AK9: variants seen among roughly 807,000 people sequenced by gnomAD.
The protein encoded by AK9 is adenylate kinase 9.
In AK9, 191 loss-of-function variants were observed where a neutral mutation model predicts 239.6. That is an observed-to-expected ratio of 0.80 (90% CI 0.71 to 0.90). The LOEUF (loss-of-function observed/expected upper bound fraction) is 0.90. AK9 is among the 40% of genes least tolerant of loss of function. AK9 has a pLI of 0.00. For missense variants in AK9, 1,995 were observed against 2,214.7 expected (o/e 0.90, Z 1.99); for synonymous variants, 689 against 721.0 (o/e 0.96, Z 0.71).
At chr6:109,612,576 A>G (rs1455484379) in intron 15 of AK9, among the ~76,000 whole-genome samples, 1 of 152,138 alleles carries the variant, frequency 6.6e-6, no homozygotes, top group Non-Finnish European at 1.5e-5. Flanking sequence ...TGGGAACTCC[A>G]CAGCAGCAAA....
chr6:109,610,277 AC>A (rs1470173411), intron 17 of AK9, 87 bp downstream of exon 17: 1 of 1,428,238 alleles, frequency 7.0e-7, no homozygotes, highest in Admixed American at 2.3e-5. Flanking sequence ...ACATCATAAG[AC>A]TCTAAAATAA....
At chr6:109,515,042 A>AG (rs1779133611) in intron 31 of AK9, among the ~76,000 whole-genome samples, 1 of 152,232 alleles carries the variant, frequency 6.6e-6, no homozygotes, top group Non-Finnish European at 1.5e-5. Flanking sequence ...CTGCAAGTTA[A>AG]GGAGAGAGGT....
chr6:109,623,718 C>T (rs1795137592), intron 12 of AK9, among the ~76,000 whole-genome samples: 1 of 152,088 alleles, frequency 6.6e-6, no homozygotes, highest in Non-Finnish European at 1.5e-5. Flanking sequence ...AATATATACT[C>T]AGTATTTTCC....
In AK9 at chr6:109,506,943, C is replaced by T. The variant is rs1031627074; in HGVS notation, c.4482-143G>A. Reference sequence around the variant, plus strand: ...CTCAATTTATTTTCTTCACACTTTGCCCTCTTCATCTCTACATCTTTAATC... The same window carrying T: ...CTCAATTTATTTTCTTCACACTTTGTCCTCTTCATCTCTACATCTTTAATC... On this transcript the variant is annotated intron_variant, in intron 33 of 40. Coordinates refer to ENST00000424296, the MANE Select transcript of AK9 (RefSeq NM_001145128.3). 3.1e-6 allele frequency: 4 copies of T among 1,286,136 alleles called. No homozygotes were observed. In the African/African-American group the frequency reaches 6.0e-5, roughly 19 times the overall value. 79.7% of individuals were successfully genotyped at this position (1,286,136 alleles called of 1,614,324 possible).
chr6:109,528,942 G>T, intron 29 of AK9, 69 bp downstream of exon 29: 1 of 1,574,950 alleles, frequency 6.3e-7, no homozygotes. Context: ...AGCTATGATT[G>T]TGCCACTGTA....
chr6:109,598,727 C>T (rs1583188189), intron 17 of AK9, among the ~76,000 whole-genome samples: 1 of 152,192 alleles, frequency 6.6e-6, no homozygotes, highest in East Asian at 1.9e-4. Context: ...ACATCCTCTC[C>T]AGCACCTGTT....
At chr6:109,568,148 C>A (rs1786860815) in intron 21 of AK9, among the ~76,000 whole-genome samples, 1 of 152,116 alleles carries the variant, frequency 6.6e-6, no homozygotes, top group Admixed American at 6.5e-5. Context: ...AAACGTAATC[C>A]AGCATATAAA....
intron 27 of AK9, among the ~76,000 whole-genome samples, chr6:109,538,964 C>T (rs4946984): frequency 0.58 from 88,410 of 151,978 alleles, 27,394 homozygotes; most frequent in East Asian, 0.84. Flanking sequence ...GAGTTTCTGC[C>T]GAGAGATCCG....
At chr6:109,632,687 C>T in intron 12 of AK9, 2 of 1,028,756 alleles carry the variant, frequency 1.9e-6, no homozygotes. Flanking sequence ...CATGTGGGAG[C>T]TTTTGGGAAG....
At chr6:109,497,102 A>G (rs1404118035) in intron 38 of AK9, among the ~76,000 whole-genome samples, 2 of 152,026 alleles carry the variant, frequency 1.3e-5, no homozygotes, top group Non-Finnish European at 2.9e-5. Flanking sequence ...GGTTTGTTGT[A>G]GGTCCCTCTG....
chr6:109,553,791 G>A (rs1317452115), intron 24 of AK9, among the ~76,000 whole-genome samples: 1 of 152,104 alleles, frequency 6.6e-6, no homozygotes, highest in Non-Finnish European at 1.5e-5. Context: ...GTTTTCAAAG[G>A]GAACGCTTCC....
intron 19 of AK9, 138 bp downstream of exon 19, chr6:109,584,985 T>C: frequency 1.5e-6 from 1 of 682,098 alleles, no homozygotes; most frequent in Non-Finnish European, 1.8e-6. Context: ...CTGCTTTTCT[T>C]AAAATTAACT....
In AK9 at chr6:109,619,239, G is replaced by T. The variant is rs971670006; in HGVS notation, c.1255-3C>A. ...ACAAGTTGGGCATAGTCGACTACCT[G>T]CAAAGAATATTTGAGAAAATCGACA... On this transcript the variant is annotated splice_region_variant and splice_polypyrimidine_tract_variant and intron_variant, in intron 12 of 40. Coordinates refer to ENST00000424296, the MANE Select transcript of AK9 (RefSeq NM_001145128.3). The T allele has an allele frequency of 6.5e-7, 1 of 1,537,626 alleles. No individual in the cohort carries two copies.
chr6:109,627,415 GT>G, intron 12 of AK9, among the ~76,000 whole-genome samples: 1 of 152,022 alleles, frequency 6.6e-6, no homozygotes, highest in Non-Finnish European at 1.5e-5. Context: ...TAACATCATT[GT>G]TTTTTATTGT....
At chr6:109,629,245 T>C (rs1266611960) in intron 12 of AK9, among the ~76,000 whole-genome samples, 2 of 151,964 alleles carry the variant, frequency 1.3e-5, no homozygotes, top group Non-Finnish European at 2.9e-5. Context: ...TGCCAGCCGA[T>C]TTTTCATTAT....
chr6:109,593,541 A>G (rs1317581131), intron 17 of AK9, among the ~76,000 whole-genome samples: 1 of 151,998 alleles, frequency 6.6e-6, no homozygotes, highest in East Asian at 1.9e-4. Flanking sequence ...TGATACCAAA[A>G]CCTGGCAGAG....
At chr6:109,677,391 A>G (rs777251211) in intron 1 of AK9, among the ~76,000 whole-genome samples, 41 of 152,352 alleles carry the variant, frequency 2.7e-4, no homozygotes, top group Non-Finnish European at 5.6e-4. Flanking sequence ...CATTAGTGAT[A>G]TATCATGTGC....
intron 17 of AK9, among the ~76,000 whole-genome samples, chr6:109,596,280 C>T (rs1016732357): frequency 6.6e-6 from 1 of 152,164 alleles, no homozygotes; most frequent in African/African-American, 2.4e-5. Context: ...GGCTGACCCA[C>T]CTACATGTCT....
At chr6:109,515,623 A>G (rs1779200140) in intron 31 of AK9, among the ~76,000 whole-genome samples, 2 of 152,128 alleles carry the variant, frequency 1.3e-5, no homozygotes, top group Admixed American at 6.6e-5. Flanking sequence ...AGAGATAAGG[A>G]GAAACTCAGG....
Sources: gnomAD v4.1 joint callset for allele counts (sites outside exome capture counted in the v4.1 genomes callset) on GRCh38, gnomAD v4.1.1 for gene constraint, MANE v1.5 for transcripts, NCBI Gene and HGNC (gene_info 2026-07-23, HGNC 2026-07-21) for gene names.